The following CACNA1F variants were observed in gnomAD, a reference collection of about 807,000 sequenced individuals.
CACNA1F encodes voltage-dependent L-type calcium channel subunit alpha-1F.
CACNA1F carries 59 observed loss-of-function variants against 143.8 expected under a neutral mutation model. That is an observed-to-expected ratio of 0.41 (90% CI 0.33 to 0.51). CACNA1F has a LOEUF of 0.51. Among genes scored for constraint, CACNA1F ranks in the 20% least tolerant of loss-of-function variants. The pLI, the probability that CACNA1F is intolerant of heterozygous loss-of-function variation, is 0.22. For synonymous variants in CACNA1F, 643 were observed against 649.1 expected (o/e 0.99, Z 0.14); for missense variants, 1,411 against 1,647.5 (o/e 0.86, Z 2.48).
At position 49,219,071 on chromosome X, in the gene CACNA1F, A is replaced by C. The variant is rs892126559; in HGVS notation, c.2674-130T>G. 4.7e-5 allele frequency: 30 copies of C among 635,222 alleles called. No homozygotes were observed. The Admixed American group carries it at 7.7e-4, about 16-fold the overall frequency. The allele number at this position is 635,222 out of a possible 1,213,427, so 52.3% of individuals were successfully genotyped here. Reference sequence around the variant, plus strand: ...GACCCTTCTGCCTCTACCCAGCTACATGGGCGCCTTTGGCCTGCTTAACCT... The same window carrying C: ...GACCCTTCTGCCTCTACCCAGCTACCTGGGCGCCTTTGGCCTGCTTAACCT... On this transcript the variant is annotated intron_variant, in intron 21 of 47. Coordinates refer to ENST00000323022, the MANE Select transcript of CACNA1F (RefSeq NM_001256789.3).
chrX:49,211,244 C>T, intron 36 of CACNA1F, 78 bp downstream of exon 36: 1 of 1,136,030 alleles, frequency 8.8e-7, no homozygotes, highest in South Asian at 1.8e-5. Context: ...AAGATCTGGG[C>T]TGCCCACGTC....
At chrX:49,209,852 C>T (rs1365866186) in intron 40 of CACNA1F, 89 bp downstream of exon 40, 1 of 1,148,614 alleles carries the variant, frequency 8.7e-7, no homozygotes, top group Non-Finnish European at 1.2e-6. Flanking sequence ...GACTTCCCCT[C>T]GCCCTCTGCC....
chrX:49,230,496 C>T lies in CACNA1F; in HGVS notation c.635G>A (p.Arg212Gln). ...GACCCCAGACACCAGCCTCAGTGGC[C>T]GCAGCACCCGAAACGCCCTCAATGC... The part of the protein sequence containing the change: ...VKALRAFRVL[R>Q]PLRLVSGVPS... The change falls in exon 5 of 48, where the codon CGG becomes CAG. Residue 212 changes from arginine to glutamine, a missense_variant. Coordinates refer to ENST00000323022, the MANE Select transcript of CACNA1F (RefSeq NM_001256789.3). 1 of 1,208,817 alleles carries T rather than the reference C, an allele frequency of 8.3e-7. No homozygotes were observed. Among genetic ancestry groups the T allele is most frequent in the South Asian group, 1.8e-5 (1 of 56,282 alleles).
At position 49,212,319 on chromosome X, in the gene CACNA1F, G is replaced by T. The variant is rs782090673; in HGVS notation, c.3943-11C>A. 1.7e-6 allele frequency: 2 copies of T among 1,163,590 alleles called. No homozygotes were observed. The highest frequency in any genetic ancestry group is 2.3e-6 in the Non-Finnish European group (2 of 853,384). On this transcript the variant is annotated splice_polypyrimidine_tract_variant and intron_variant, in intron 33 of 47. Transcript: ENST00000323022. ...CACATAGGGCAAGGCCTATAGGGAT[G>T]GGGGAGGGGGGCAGAGAATAGATGC...
chrX:49,220,359 A>G, intron 19 of CACNA1F, 114 bp downstream of exon 19: 1 of 551,112 alleles, frequency 1.8e-6, no homozygotes, highest in Non-Finnish European at 3.1e-6. Context: ...TATTTTCAGG[A>G]TGATCTTGGA....
intron 26 of CACNA1F, 134 bp downstream of exon 26, chrX:49,217,621 G>A: frequency 3.4e-6 from 2 of 596,733 alleles, no homozygotes; most frequent in African/African-American, 2.2e-5. Context: ...CGAAGACTTG[G>A]TGAGATCTGA....
At position 49,226,989 on chromosome X, in the gene CACNA1F, G is replaced by A; in HGVS notation, c.1257C>T (p.Pro419=). Residue 419 remains proline (P), a synonymous_variant, in exon 9 of 48, where the codon CCC becomes CCT. Transcript: ENST00000323022. ...TAGAACCAAGGTTGTCATCGGCGGA[G>A]GGGTCCTCCATGTCCAGCTCTTCGG... is the stretch of plus-strand genomic sequence containing the variant. The part of the protein sequence containing the change: ...TQAEELDMED[P]SADDNLGPQL... 1 of 1,211,976 alleles carries A rather than the reference G, an allele frequency of 8.3e-7. No homozygotes were observed. Among genetic ancestry groups the A allele is most frequent in the Non-Finnish European group, 1.1e-6 (1 of 895,457 alleles).
At chrX:49,215,015 A>G (rs950613941) in intron 29 of CACNA1F, 71 bp downstream of exon 29, 18 of 1,010,451 alleles carry the variant, frequency 1.8e-5, no homozygotes, top group South Asian at 1.2e-4. Context: ...AATGTTCCCA[A>G]TGGTTCCCAA....
chrX:49,226,160 G>C, intron 12 of CACNA1F, 57 bp downstream of exon 12: 1 of 1,128,223 alleles, frequency 8.9e-7, no homozygotes, highest in Non-Finnish European at 1.2e-6. Flanking sequence ...TGAGGGCTTG[G>C]AGGTGGGGGG....
chrX:49,219,025 A>C (rs1249614491), intron 21 of CACNA1F, 84 bp from the exon 22 acceptor site: 2 of 878,234 alleles, frequency 2.3e-6, no homozygotes, highest in Non-Finnish European at 3.3e-6. Flanking sequence ...TGGCCATCAG[A>C]AAGATTAGGG....
chrX:49,232,811 TTTTG>T (rs1225935023), intron 1 of CACNA1F, among the ~76,000 whole-genome samples: 4 of 110,313 alleles, frequency 3.6e-5, no homozygotes, highest in African/African-American at 1.3e-4. Flanking sequence ...TCTTTCTCTC[TTTTG>T]TTTTTGTTTT....
rs1331907159 is a variant in CACNA1F at position 49,206,758 on chromosome X, G to T, written c.5329C>A (p.Arg1777Ser). The change falls in exon 45 of 48, where the codon CGC (arginine) becomes AGC (serine). Residue 1777 changes from arginine to serine, a missense_variant. Arg to Ser is a moderately radical substitution (Grantham distance 110). Transcript: ENST00000323022. The stretch of plus-strand genomic sequence containing the variant: ...GGTGTGGGGGGCAGCAGACGGCGGC[G>T]TGGTACCAGGTGCCCATCCATGTAT... ...QRYMDGHLVP[R>S]RRLLPPTPAG... 2.5e-6 allele frequency: 3 copies of T among 1,205,683 alleles called. No individual in the cohort carries two copies. The East Asian group carries it at 8.9e-5, about 36-fold the overall frequency.
chrX:49,219,262 C>T lies in CACNA1F; in HGVS notation c.2673+59G>A, dbSNP rs1383783908. The T allele has an allele frequency of 1.8e-5, 21 of 1,154,912 alleles. 1 individual carries two copies. Among genetic ancestry groups the T allele is most frequent in the Non-Finnish European group, 2.2e-5 (19 of 853,408 alleles). ...TATCTCCACCCTGACCCAGCTTGTG[C>T]CCACTAGGACACCCCTGGGAGTGTC... On this transcript the variant is annotated intron_variant, in intron 21 of 47. Transcript: ENST00000323022.
chrX:49,222,464 G>A, intron 17 of CACNA1F, 58 bp downstream of exon 17: 1 of 1,001,332 alleles, frequency 1.0e-6, no homozygotes, highest in Admixed American at 2.4e-5. Context: ...GGTGTCTGAG[G>A]GGTTCCCAGT....
intron 26 of CACNA1F, 58 bp downstream of exon 26, chrX:49,217,697 T>C: frequency 9.9e-7 from 1 of 1,008,083 alleles, no homozygotes; most frequent in African/African-American, 1.9e-5. Flanking sequence ...ATCTAGAGGC[T>C]CTAAAGTCTT....
intron 24 of CACNA1F, 107 bp from the exon 25 acceptor site, chrX:49,218,112 G>C: frequency 1.8e-6 from 1 of 564,877 alleles, no homozygotes; most frequent in Non-Finnish European, 3.0e-6. Flanking sequence ...GGGGACATGT[G>C]GTGATGGGTC....
chrX:49,223,650 T>G (rs1300669385), intron 14 of CACNA1F, among the ~76,000 whole-genome samples: 1 of 94,178 alleles, frequency 1.1e-5, no homozygotes, highest in Non-Finnish European at 2.1e-5. Flanking sequence ...AGGGGAAAGT[T>G]GAGAGTTTGG....
At position 49,223,209 on chromosome X, in the gene CACNA1F, G is replaced by T. The variant is rs146883528; in HGVS notation, c.1878-73C>A. On this transcript the variant is annotated intron_variant, in intron 14 of 47. Transcript: ENST00000323022. The stretch of plus-strand genomic sequence containing the variant: ...CATGGCTGGAGCATCAGGAGCCAGG[G>T]CAGGGCTCCAGCTTGAGATGCACCT... 2,581 of 687,270 alleles carry T rather than the reference G, an allele frequency of 3.8e-3. 2 individuals carry two copies. Among genetic ancestry groups the T allele is most frequent in the Non-Finnish European group, 5.0e-3 (2,186 of 439,483 alleles). 56.6% of individuals were successfully genotyped at this position (687,270 alleles called of 1,213,427 possible).
At chrX:49,211,285 G>C in intron 36 of CACNA1F, 37 bp downstream of exon 36, 1 of 1,204,516 alleles carries the variant, frequency 8.3e-7, no homozygotes, top group Non-Finnish European at 1.1e-6. Context: ...GCCAGCCCCC[G>C]TGACGGTGGT....
Sources: allele counts gnomAD v4.1 joint callset (sites outside exome capture counted in the v4.1 genomes callset), GRCh38; gene constraint gnomAD v4.1.1; transcripts MANE v1.5; gene names NCBI Gene and HGNC (gene_info 2026-07-23, HGNC 2026-07-21).